SCLT1: variants seen among roughly 807,000 people sequenced by gnomAD.
The protein encoded by SCLT1 is sodium channel-associated protein 1.
In SCLT1, 78 loss-of-function variants were observed where a neutral mutation model predicts 112.8. The observed-to-expected ratio is 0.69, with a 90% confidence interval of 0.58 to 0.83. The LOEUF is 0.83. Ranked by LOEUF, SCLT1 falls within the 40% of genes least tolerant of loss-of-function variation. SCLT1 has a pLI of 0.00. For missense variants in SCLT1, 747 were observed against 770.4 expected (o/e 0.97, Z 0.36); for synonymous variants, 257 against 254.7 (o/e 1.01, Z -0.09).
chr4:129,015,967 T>C (rs535085455), intron 5 of SCLT1, among the ~76,000 whole-genome samples: 1 of 152,296 alleles, frequency 6.6e-6, no homozygotes, highest in South Asian at 2.1e-4. Context: ...TATCTTCTTG[T>C]CTCTCTGCTT....
rs75896739 is a variant in SCLT1 at position 128,979,601 on chromosome 4, A to G, written c.687-9133T>C. Among the ~76,000 whole-genome samples, 124 of 152,296 alleles carry G rather than the reference A, an allele frequency of 8.1e-4. 2 individuals are homozygous for G. In the East Asian group the frequency reaches 0.014, roughly 17 times the overall value. On this transcript the variant is annotated intron_variant, in intron 9 of 20. Coordinates refer to ENST00000281142, the MANE Select transcript of SCLT1 (RefSeq NM_144643.4). The stretch of plus-strand genomic sequence containing the variant: ...GTGGCATTTTGTTATAGCAGCCCCA[A>G]TGGATTAAGACAATGGCAGAGCCAC...
intron 17 of SCLT1, among the ~76,000 whole-genome samples, chr4:128,939,265 ATC>A (rs1183418088): frequency 6.6e-6 from 1 of 152,040 alleles, no homozygotes; most frequent in Non-Finnish European, 1.5e-5. Flanking sequence ...GCCTGAAATA[ATC>A]TCTTTCTGCT....
chr4:129,039,926 A>G, intron 4 of SCLT1: 2 of 467,324 alleles, frequency 4.3e-6, no homozygotes, highest in Non-Finnish European at 7.9e-6. Flanking sequence ...ACACACACAC[A>G]CACACAAAAC....
rs764679883 is a variant in SCLT1 at position 128,952,782 on chromosome 4, G to A, written c.1205C>T (p.Ser402Leu). Residue 402 changes from serine to leucine, a missense_variant, in exon 14 of 21, where the codon TCA becomes TTA. Around this residue, in one of 2 missense-constraint regions of SCLT1, gnomAD observed 723 missense variants for 721.3 expected, o/e 1.00. Transcript: ENST00000281142. ...AGTCAAACATACCATTTGAAGGGCT[G>A]AAAGTTCTTCTGTTAATCGAGAAAT... The part of the protein sequence containing the change: ...IQISRLTEEL[S>L]ALQMECAEKQ... The A allele has an allele frequency of 8.3e-6, 13 of 1,559,858 alleles. No individual in the cohort carries two copies. Among genetic ancestry groups the A allele is most frequent in the Admixed American group, 1.7e-5 (1 of 59,864 alleles).
At chr4:128,986,951 G>A (rs572925903) in intron 9 of SCLT1, among the ~76,000 whole-genome samples, 2 of 152,292 alleles carry the variant, frequency 1.3e-5, no homozygotes, top group East Asian at 3.9e-4. Flanking sequence ...AGTGTACAGA[G>A]AGACTCCTTC....
intron 9 of SCLT1, among the ~76,000 whole-genome samples, chr4:128,984,668 A>G (rs927485012): frequency 6.6e-6 from 1 of 151,908 alleles, no homozygotes; most frequent in South Asian, 2.1e-4. Context: ...CAGGATCTCT[A>G]CCTTCTAATT....
chr4:128,990,629 A>T (rs1171280302), intron 9 of SCLT1, among the ~76,000 whole-genome samples: 2 of 151,914 alleles, frequency 1.3e-5, no homozygotes, highest in Non-Finnish European at 2.9e-5. Flanking sequence ...AGGGAGCCCA[A>T]ATTGGAAAGG....
rs755799906 is a variant in SCLT1, at chr4:128,948,598, T to A, written c.1219-28A>T. On this transcript the variant is annotated intron_variant, in intron 14 of 20. Coordinates refer to ENST00000281142, the MANE Select transcript of SCLT1 (RefSeq NM_144643.4). ...ATAAATTCAAGTCATATTGTAAATA[T>A]ATACATTTGGTAACATCTTAAGAAA... The A allele has an allele frequency of 3.3e-6, 5 of 1,519,388 alleles. No individual in the cohort carries two copies. In the South Asian group the frequency reaches 5.8e-5, roughly 18 times the overall value. 94.1% of individuals were successfully genotyped at this position (1,519,388 alleles called of 1,614,324 possible). A position where few individuals can be genotyped will look rare whatever the true frequency, so the allele number is the denominator to read the frequency against.
intron 9 of SCLT1, among the ~76,000 whole-genome samples, chr4:128,978,111 A>G (rs1312863552): frequency 2.6e-5 from 4 of 152,052 alleles, no homozygotes; most frequent in Non-Finnish European, 4.4e-5. Flanking sequence ...GAGACCCTCT[A>G]CTCCTTCAAT....
At chr4:129,050,064 T>C (rs1004724645) in intron 2 of SCLT1, among the ~76,000 whole-genome samples, 1 of 152,198 alleles carries the variant, frequency 6.6e-6, no homozygotes, top group Admixed American at 6.5e-5. Context: ...GCAAAGCACA[T>C]GAACTCATTC....
chr4:129,022,584 AAAG>A (rs1390750669), intron 5 of SCLT1, among the ~76,000 whole-genome samples: 3 of 152,142 alleles, frequency 2.0e-5, no homozygotes, highest in African/African-American at 7.2e-5. Flanking sequence ...AATCTGAAGG[AAAG>A]ATTAGAGAAA....
intron 8 of SCLT1, among the ~76,000 whole-genome samples, chr4:128,992,583 A>G (rs1365462311): frequency 6.6e-6 from 1 of 151,984 alleles, no homozygotes; most frequent in Non-Finnish European, 1.5e-5. Flanking sequence ...GGGAACTGGT[A>G]TATAAAAAAC....
chr4:129,032,614 A>G (rs1025439023), intron 5 of SCLT1, among the ~76,000 whole-genome samples: 2 of 152,164 alleles, frequency 1.3e-5, no homozygotes, highest in Non-Finnish European at 2.9e-5. Flanking sequence ...AATATCCACA[A>G]TCTGCAAGGA....
intron 14 of SCLT1, among the ~76,000 whole-genome samples, chr4:128,952,042 G>C (rs536616066): frequency 6.6e-6 from 1 of 152,270 alleles, no homozygotes; most frequent in African/African-American, 2.4e-5. Context: ...GAAGGCGTAA[G>C]ACTCTACTAT....
chr4:129,083,238 A>G (rs1172993729), intron 1 of SCLT1, among the ~76,000 whole-genome samples: 1 of 151,660 alleles, frequency 6.6e-6, no homozygotes, highest in Non-Finnish European at 1.5e-5. Flanking sequence ...AAAAAGAAAT[A>G]ACAAGACCAT....
chr4:129,005,077 G>A (rs1399051417), intron 5 of SCLT1, among the ~76,000 whole-genome samples: 1 of 151,874 alleles, frequency 6.6e-6, no homozygotes, highest in African/African-American at 2.4e-5. Context: ...ATATTTTCTA[G>A]CAGAATTTTT....
intron 8 of SCLT1, 92 bp downstream of exon 8, chr4:128,997,782 G>T (rs143467184): frequency 5.1e-6 from 3 of 585,558 alleles, no homozygotes; most frequent in Non-Finnish European, 8.6e-6. Context: ...ATCTAATTTC[G>T]TGCAGCATGC....
chr4:128,894,690 T>C (rs1733601755), intron 18 of SCLT1, among the ~76,000 whole-genome samples: 1 of 152,118 alleles, frequency 6.6e-6, no homozygotes, highest in South Asian at 2.1e-4. Flanking sequence ...CTTTCTTTTT[T>C]TTTTGTGAGA....
At chr4:129,001,584 T>C (rs536520705) in intron 6 of SCLT1, among the ~76,000 whole-genome samples, 15 of 152,210 alleles carry the variant, frequency 9.9e-5, no homozygotes, top group Non-Finnish European at 1.8e-4. Context: ...CTATGTGGTG[T>C]CATCATCTAA....
Sources: gnomAD v4.1 joint callset for allele counts (sites outside exome capture counted in the v4.1 genomes callset) on GRCh38, gnomAD v4.1.1 for gene constraint, gnomAD v4.1.1 regional missense constraint, MANE v1.5 for transcripts, NCBI Gene and HGNC (gene_info 2026-07-23, HGNC 2026-07-21) for gene names.